Variants in DNAAF5 observed in about 807,000 individuals in gnomAD.
DNAAF5 encodes the protein HEAT repeat containing 2.
DNAAF5 carries 64 observed loss-of-function variants against 75.8 expected under a neutral mutation model. That is an observed-to-expected ratio of 0.84 (90% CI 0.69 to 1.04). The LOEUF (loss-of-function observed/expected upper bound fraction) is 1.04, where lower values mean the gene tolerates loss of function less well. DNAAF5 is among the 50% of genes least tolerant of loss of function. The pLI, the probability that DNAAF5 is intolerant of heterozygous loss-of-function variation, is 0.00. For synonymous variants in DNAAF5, 657 were observed against 557.2 expected (o/e 1.18, Z -2.52); for missense variants, 1,269 against 1,178.5 (o/e 1.08, Z -1.12).
intron 6 of DNAAF5, among the ~76,000 whole-genome samples, chr7:759,861 G>A (rs182287491): frequency 8.5e-5 from 13 of 152,276 alleles, no homozygotes; most frequent in African/African-American, 1.7e-4. Context: ...GATTTTAACC[G>A]AAAAGATGAT....
At chr7:760,407 G>A (rs1338127193) in intron 6 of DNAAF5, among the ~76,000 whole-genome samples, 1 of 152,132 alleles carries the variant, frequency 6.6e-6, no homozygotes, top group Admixed American at 6.5e-5. Context: ...GATAAATCAC[G>A]TGTTTAAATT....
chr7:739,573 C>T (rs1196691169), intron 2 of DNAAF5, among the ~76,000 whole-genome samples: 5 of 152,216 alleles, frequency 3.3e-5, no homozygotes, highest in Non-Finnish European at 5.9e-5. Flanking sequence ...TGTCCCCTCG[C>T]GTGCTTCCCT....
At chr7:744,746 C>T (rs1159143851) in intron 4 of DNAAF5, among the ~76,000 whole-genome samples, 6 of 152,212 alleles carry the variant, frequency 3.9e-5, no homozygotes, top group South Asian at 2.1e-4. Context: ...GTCAGTGTGG[C>T]GATTCCTCAG....
chr7:754,809 C>G lies in DNAAF5; in HGVS notation c.1245C>G (p.Ala415=). The part of the protein sequence containing the change: ...LFQACTDEEA[A]VVQSCTRSAE... ...AGGCCTGCACCGACGAGGAGGCAGC[C>G]GTGGTCCAAAGTGTAAGTGGCCGTA... is the stretch of plus-strand genomic sequence containing the variant. Residue 415 remains alanine, a synonymous_variant, in exon 5 of 13, where the codon GCC becomes GCG. Coordinates refer to ENST00000297440, the MANE Select transcript of DNAAF5 (RefSeq NM_017802.4). This position sits in a 1 kb window ranked among gnomAD's most constrained non-coding sequence, Gnocchi z 4.8. 1 of 1,604,076 alleles carries G rather than the reference C, an allele frequency of 6.2e-7. No homozygotes were observed. The highest frequency in any genetic ancestry group is 8.5e-7 in the Non-Finnish European group (1 of 1,173,248).
intron 6 of DNAAF5, among the ~76,000 whole-genome samples, chr7:759,037 A>G (rs1291892764): frequency 6.6e-6 from 1 of 152,098 alleles, no homozygotes; most frequent in Non-Finnish European, 1.5e-5. Context: ...GAAGGTACTC[A>G]GGTCTCAGTC....
rs75101585 is a variant in DNAAF5, at chr7:748,683, T to A, written c.1025-5906T>A. 2.5e-4 allele frequency among the ~76,000 whole-genome samples: 38 copies of A among 152,228 alleles called. No individual in the cohort carries two copies. The East Asian group carries it at 7.4e-3, about 30-fold the overall frequency. ...TTCTCCTCGGTGGACTCGGGCCCTG[T>A]GCTCACCTCACCGCTCGCTCCAGGG... On this transcript the variant is annotated intron_variant, in intron 4 of 12. Coordinates refer to ENST00000297440, the MANE Select transcript of DNAAF5 (RefSeq NM_017802.4).
intron 6 of DNAAF5, among the ~76,000 whole-genome samples, chr7:759,720 C>T (rs1782586570): frequency 6.6e-6 from 1 of 152,164 alleles, no homozygotes; most frequent in Non-Finnish European, 1.5e-5. Context: ...GTCACTTCCT[C>T]AGAGACGGTG....
At chr7:747,687 G>A (rs1032795839) in intron 4 of DNAAF5, among the ~76,000 whole-genome samples, 1 of 135,594 alleles carries the variant, frequency 7.4e-6, no homozygotes, top group African/African-American at 2.7e-5. Context: ...TCCGGCTGGT[G>A]TGCAGTGGTG....
At chr7:750,309 G>A (rs908328622) in intron 4 of DNAAF5, among the ~76,000 whole-genome samples, 10 of 152,188 alleles carry the variant, frequency 6.6e-5, no homozygotes, top group Admixed American at 4.6e-4. Context: ...GCTTGTGTAC[G>A]TCACTGTAGT....
intron 6 of DNAAF5, among the ~76,000 whole-genome samples, chr7:758,299 T>G (rs1048518323): frequency 2.0e-5 from 3 of 152,258 alleles, no homozygotes; most frequent in Non-Finnish European, 4.4e-5. Context: ...TCTCACAAAC[T>G]TTATAGCAAA....
intron 2 of DNAAF5, chr7:732,572 G>C (rs905509496): frequency 8.8e-6 from 4 of 456,000 alleles, no homozygotes; most frequent in Non-Finnish European, 1.8e-5. Context: ...GGGATGCATG[G>C]ACAGCTTTTC....
At chr7:746,414 CTG>C (rs1241718940) in intron 4 of DNAAF5, among the ~76,000 whole-genome samples, 7 of 80,272 alleles carry the variant, frequency 8.7e-5, no homozygotes, top group African/African-American at 3.3e-4. Context: ...TACCGTCCTG[CTG>C]CCCCCCACCC....
chr7:768,207 C>T (rs1367893845), intron 8 of DNAAF5, among the ~76,000 whole-genome samples: 1 of 133,396 alleles, frequency 7.5e-6, no homozygotes, highest in Non-Finnish European at 1.6e-5. Flanking sequence ...AGCAGGAGCT[C>T]GCACTGGGAG....
intron 2 of DNAAF5, among the ~76,000 whole-genome samples, chr7:739,566 C>G (rs541289368): frequency 6.6e-6 from 1 of 152,364 alleles, no homozygotes; most frequent in East Asian, 1.9e-4. Flanking sequence ...ATTCCTGTGT[C>G]CCCTCGCGTG....
In DNAAF5 at chr7:730,626, G is replaced by A. The variant is rs141971538; in HGVS notation, c.780+779G>A. 6.4e-3 allele frequency among the ~76,000 whole-genome samples: 971 copies of A among 152,312 alleles called. 7 individuals carry two copies. Among genetic ancestry groups the A allele is most frequent in the Non-Finnish European group, 0.011 (732 of 68,018 alleles). On this transcript the variant is annotated intron_variant, in intron 2 of 12. Transcript: ENST00000297440. The stretch of plus-strand genomic sequence containing the variant: ...GAAGCCCTGACTCGCTCCCTCGTCT[G>A]TGCTGCTGGGGTCCACCCGTAGGGC...
At chr7:729,519 T>C in intron 1 of DNAAF5, 144 bp from the exon 2 acceptor site, 1 of 726,418 alleles carries the variant, frequency 1.4e-6, no homozygotes, top group Non-Finnish European at 2.3e-6. Flanking sequence ...CTGGATTGTG[T>C]ACTGTTCATG....
At chr7:749,422 C>G (rs1782220161) in intron 4 of DNAAF5, among the ~76,000 whole-genome samples, 1 of 152,192 alleles carries the variant, frequency 6.6e-6, no homozygotes, top group Non-Finnish European at 1.5e-5. Flanking sequence ...TTCTTAAAGC[C>G]TGACTTAGAA....
At chr7:763,035 T>A (rs963763676) in intron 7 of DNAAF5, among the ~76,000 whole-genome samples, 2 of 152,188 alleles carry the variant, frequency 1.3e-5, no homozygotes, top group Non-Finnish European at 2.9e-5. Context: ...TCTGTCTCTG[T>A]GGACAGCCCC....
Position 770,609 on chromosome 7 carries a change from A to C in DNAAF5, c.1922A>C (p.Asn641Thr). The change falls in exon 9 of 13, where the codon AAC becomes ACC. Residue 641 changes from asparagine (N) to threonine (T), a missense_variant. Transcript: ENST00000297440. ...CTGCTCAGAGCCACGGACACCATCA[A>C]CTCCCAGGGGTAGGTCCGGGCTCTG... is the stretch of plus-strand genomic sequence containing the variant. Reference protein sequence around the residue: ...TVLLRATDTINSQGQFPSYLE... With the variant: ...TVLLRATDTITSQGQFPSYLE... The C allele has an allele frequency of 6.2e-7, 1 of 1,612,958 alleles. No individual in the cohort carries two copies. The highest frequency in any genetic ancestry group is 8.5e-7 in the Non-Finnish European group (1 of 1,179,758).
Sources: allele counts gnomAD v4.1 joint callset (sites outside exome capture counted in the v4.1 genomes callset), GRCh38; gene constraint gnomAD v4.1.1; non-coding constraint Gnocchi (gnomAD v3.1); transcripts MANE v1.5; gene names NCBI Gene and HGNC (gene_info 2026-07-23, HGNC 2026-07-21).